The following PCCA variants were observed in gnomAD, a reference collection of about 807,000 sequenced individuals.
The protein encoded by PCCA is propionyl-CoA carboxylase alpha chain, mitochondrial.
PCCA carries 74 observed loss-of-function variants against 101.3 expected under a neutral mutation model. The ratio of observed to expected loss-of-function variants is 0.73; its 90% CI spans 0.61 to 0.89. The LOEUF is 0.89. Among genes scored for constraint, PCCA ranks in the 40% least tolerant of loss-of-function variants. The pLI is 0.00. For missense variants in PCCA, 891 were observed against 907.0 expected, an observed-to-expected ratio of 0.98 and a Z score of 0.23; for synonymous variants, 294 against 313.6, an observed-to-expected ratio of 0.94 and a Z score of 0.66.
At chr13:100,504,189 A>C (rs973575899) in intron 21 of PCCA, among the ~76,000 whole-genome samples, 3 of 152,146 alleles carry the variant, frequency 2.0e-5, no homozygotes. Context: ...CCTGATTCTC[A>C]TTTTCTTATA....
chr13:100,182,894 G>A (rs1285510774), intron 6 of PCCA, among the ~76,000 whole-genome samples: 2 of 152,110 alleles, frequency 1.3e-5, no homozygotes, highest in Non-Finnish European at 2.9e-5. Flanking sequence ...CATTCACAAG[G>A]TCTACAACTG....
chr13:100,310,973 C>T (rs2066865903), intron 16 of PCCA, among the ~76,000 whole-genome samples: 1 of 152,102 alleles, frequency 6.6e-6, no homozygotes, highest in Admixed American at 6.5e-5. Flanking sequence ...CGGTGGCTCA[C>T]ACCCGTAATC....
intron 6 of PCCA, among the ~76,000 whole-genome samples, chr13:100,162,472 T>G (rs1011857605): frequency 6.6e-6 from 1 of 152,208 alleles, no homozygotes; most frequent in African/African-American, 2.4e-5. Flanking sequence ...GCATTGGAAC[T>G]GGGCTGGGCC....
At chr13:100,462,413 C>G (rs756296781) in intron 21 of PCCA, among the ~76,000 whole-genome samples, 1 of 152,154 alleles carries the variant, frequency 6.6e-6, no homozygotes, top group Non-Finnish European at 1.5e-5. Flanking sequence ...TTGAACATGA[C>G]TTGGTCCCTA....
intron 6 of PCCA, among the ~76,000 whole-genome samples, chr13:100,207,592 G>T (rs1016442989): frequency 6.6e-6 from 1 of 151,964 alleles, no homozygotes; most frequent in African/African-American, 2.4e-5. Context: ...GTGTTGGTCA[G>T]GATGGTCTCG....
rs1227361631 is a variant in PCCA at position 100,515,679 on chromosome 13, A to AC, written c.2040+113dup. ...GCTCTTTGCAGTTCTTACTTAACCG[A>AC]CGCCCCCTAAACAGCAAAATCGATT... On this transcript the variant is annotated intron_variant, in intron 22 of 23. Transcript: ENST00000376285. 3.2e-5 allele frequency: 42 copies of AC among 1,327,660 alleles called. No individual in the cohort carries two copies. In the Admixed American group the frequency reaches 4.6e-4, roughly 14 times the overall value. The allele number at this position is 1,327,660 out of a possible 1,614,324, so 82.2% of individuals were successfully genotyped here. A position where few individuals can be genotyped will look rare whatever the true frequency, so the allele number is the denominator to read the frequency against.
In PCCA at chr13:100,528,942, G is replaced by A. The variant is rs12871481; in HGVS notation, c.2119-1156G>A. Among the ~76,000 whole-genome samples the A allele has an allele frequency of 1.2e-3, 183 of 152,282 alleles. 1 individual carries two copies. Among genetic ancestry groups the A allele is most frequent in the Non-Finnish European group, 2.1e-3 (145 of 68,034 alleles). On this transcript the variant is annotated intron_variant, in intron 23 of 23. Coordinates refer to ENST00000376285, the MANE Select transcript of PCCA (RefSeq NM_000282.4). ...CCGCCGCATGCCAAGGGCCCTGTGCGGCAGGTCTGAGGTGCTAATGCAGAA... is the reference window on the plus strand; with the variant it reads ...CCGCCGCATGCCAAGGGCCCTGTGCAGCAGGTCTGAGGTGCTAATGCAGAA...
intron 4 of PCCA, among the ~76,000 whole-genome samples, 196 bp downstream of exon 4, chr13:100,112,257 T>C (rs2048385439): frequency 6.6e-6 from 1 of 152,202 alleles, no homozygotes; most frequent in Admixed American, 6.5e-5. Context: ...TTTCTTTTCA[T>C]AGCTTTAAAA....
Position 100,111,985 on chromosome 13 carries a change from T to G in PCCA, c.232-8T>G. ...ACTATTAATAGACATTAATATATTT[T>G]AAAATAGGTTATTAGAACTTGCAAG... On this transcript the variant is annotated splice_region_variant and splice_polypyrimidine_tract_variant and intron_variant, in intron 3 of 23. Transcript: ENST00000376285. 1 of 1,599,118 alleles carries G rather than the reference T, an allele frequency of 6.3e-7. No individual in the cohort carries two copies. The highest frequency in any genetic ancestry group is 8.6e-7 in the Non-Finnish European group (1 of 1,167,808).
intron 6 of PCCA, among the ~76,000 whole-genome samples, chr13:100,200,332 C>T (rs1234677395): frequency 6.6e-6 from 1 of 152,104 alleles, no homozygotes; most frequent in East Asian, 1.9e-4. Flanking sequence ...TCTCGATTTC[C>T]TGACCTCGTG....
chr13:100,142,525 C>T (rs537224332), intron 4 of PCCA, among the ~76,000 whole-genome samples: 2 of 147,306 alleles, frequency 1.4e-5, no homozygotes, highest in African/African-American at 2.5e-5. Flanking sequence ...CCCAGGCTGG[C>T]GTGCAGTGGC....
At chr13:100,528,025 G>T (rs1159072897) in intron 23 of PCCA, among the ~76,000 whole-genome samples, 1 of 152,124 alleles carries the variant, frequency 6.6e-6, no homozygotes, top group African/African-American at 2.4e-5. Context: ...CAAATTAAGG[G>T]GTCTTTAATT....
At chr13:100,449,344 A>G (rs547382021) in intron 21 of PCCA, 39 bp downstream of exon 21, 1 of 1,261,254 alleles carries the variant, frequency 7.9e-7, no homozygotes, top group South Asian at 1.3e-5. Flanking sequence ...TAATTTACAG[A>G]GAAAAAATGT....
chr13:100,232,361 TG>T (rs1566759918), intron 7 of PCCA, among the ~76,000 whole-genome samples: 2 of 149,532 alleles, frequency 1.3e-5, no homozygotes, highest in African/African-American at 2.5e-5. Context: ...CGTGTGTGTG[TG>T]TGTGTGTGTG....
chr13:100,292,481 G>A (rs1244001479), intron 12 of PCCA, among the ~76,000 whole-genome samples: 2 of 152,186 alleles, frequency 1.3e-5, no homozygotes, highest in African/African-American at 2.4e-5. Context: ...ATTCAAAATA[G>A]TACCTGGTTT....
At chr13:100,177,486 A>G (rs187802537) in intron 6 of PCCA, among the ~76,000 whole-genome samples, 41 of 152,272 alleles carry the variant, frequency 2.7e-4, no homozygotes, top group African/African-American at 9.9e-4. Context: ...TCTGTTGTCT[A>G]TTATTTAGTA....
intron 21 of PCCA, among the ~76,000 whole-genome samples, chr13:100,475,919 G>A (rs2152960765): frequency 6.6e-6 from 1 of 152,240 alleles, no homozygotes; most frequent in East Asian, 1.9e-4. Context: ...TAATGCAGAA[G>A]TAGCCCAAAT....
At chr13:100,180,669 T>G (rs2056714223) in intron 6 of PCCA, among the ~76,000 whole-genome samples, 1 of 152,234 alleles carries the variant, frequency 6.6e-6, no homozygotes. Flanking sequence ...TCCTCCGATT[T>G]CTTTCCCCTG....
At chr13:100,395,076 A>G (rs1272109314) in intron 19 of PCCA, among the ~76,000 whole-genome samples, 5 of 152,200 alleles carry the variant, frequency 3.3e-5, no homozygotes, top group Non-Finnish European at 7.4e-5. Flanking sequence ...TCTTTGCTCT[A>G]ACATCCTGAT....
Sources: allele counts gnomAD v4.1 joint callset (sites outside exome capture counted in the v4.1 genomes callset), GRCh38; gene constraint gnomAD v4.1.1; transcripts MANE v1.5; gene names NCBI Gene and HGNC (gene_info 2026-07-23, HGNC 2026-07-21).